PER2: variants seen among roughly 807,000 people sequenced by gnomAD.
PER2 encodes period circadian protein homolog 2.
A neutral mutation model predicts 121.0 loss-of-function variants in PER2; 66 were observed. The observed-to-expected ratio is 0.55, with a 90% CI of 0.45 to 0.67. The LOEUF is 0.67. PER2 is among the 30% of genes least tolerant of loss of function. PER2 has a pLI of 0.00. For missense variants in PER2, 1,521 were observed against 1,635.0 expected, an observed-to-expected ratio of 0.93 and a Z score of 1.20; for synonymous variants, 684 against 659.9, an observed-to-expected ratio of 1.04 and a Z score of -0.56.
At chr2:238,265,117 A>T (rs961195106) in intron 9 of PER2, among the ~76,000 whole-genome samples, 1 of 152,226 alleles carries the variant, frequency 6.6e-6, no homozygotes, top group Non-Finnish European at 1.5e-5. Flanking sequence ...GCTCTGAGGC[A>T]TGGAGAAAAT....
rs760051975 is a variant in PER2, at chr2:238,271,263, C to T, written c.772+49G>A. On this transcript the variant is annotated intron_variant, in intron 6 of 22. Transcript: ENST00000254657. Reference sequence around the variant, plus strand: ...CATCTGGGTTGGGCCCAGCTCCTGGCCCCTTTCCCGACCCCAGAGGGAACA... The same window carrying T: ...CATCTGGGTTGGGCCCAGCTCCTGGTCCCTTTCCCGACCCCAGAGGGAACA... 10 of 1,528,566 alleles carry T rather than the reference C, an allele frequency of 6.5e-6. No homozygotes were observed. The African/African-American group carries it at 9.6e-5, about 15-fold the overall frequency. 94.7% of individuals were successfully genotyped at this position (1,528,566 alleles called of 1,614,324 possible).
At chr2:238,291,490 G>A (rs1696949317), upstream of PER2, among the ~76,000 whole-genome samples, 1 of 152,252 alleles carries the variant, frequency 6.6e-6, no homozygotes, top group African/African-American at 2.4e-5. Context: ...TGGTTTGCGG[G>A]TTGGCTAGCT....
intron 9 of PER2, among the ~76,000 whole-genome samples, chr2:238,264,825 C>T (rs537606633): frequency 2.6e-5 from 4 of 152,228 alleles, no homozygotes; most frequent in East Asian, 1.9e-4. Flanking sequence ...GGTCTTGCTA[C>T]GTTTTGAACT....
At position 238,271,490 on chromosome 2, in the gene PER2, G is replaced by C. The variant is rs760449124; in HGVS notation, c.594C>G (p.Ser198=). The change falls in exon 6 of 23, where the codon TCC becomes TCG. Residue 198 remains serine, a synonymous_variant. Coordinates refer to ENST00000254657, the MANE Select transcript of PER2 (RefSeq NM_022817.3). ...KNADMFAVAV[S]LVSGKILYIS... ...TGTACAGGATCTTCCCAGACACCAGGGACACGGCCACCGCAAACATATCCT... is the reference window on the plus strand; with the variant it reads ...TGTACAGGATCTTCCCAGACACCAGCGACACGGCCACCGCAAACATATCCT... 8.7e-6 allele frequency: 14 copies of C among 1,613,494 alleles called. No homozygotes were observed. The highest frequency in any genetic ancestry group is 1.3e-5 in the African/African-American group (1 of 74,892).
At chr2:238,266,126 A>G (rs1696097941) in intron 8 of PER2, among the ~76,000 whole-genome samples, 1 of 151,868 alleles carries the variant, frequency 6.6e-6, no homozygotes, top group African/African-American at 2.4e-5. Flanking sequence ...GATGGTCTCG[A>G]TCTCCTGACC....
chr2:238,297,839 C>T, the PER2 span, among the ~76,000 whole-genome samples: 33 of 152,108 alleles, frequency 2.2e-4, no homozygotes, highest in Non-Finnish European at 3.7e-4. Context: ...GGCCAAAATC[C>T]AAGGCATGGT....
intron 1 of PER2, among the ~76,000 whole-genome samples, chr2:238,282,860 A>G (rs1235126188): frequency 6.6e-6 from 1 of 152,254 alleles, no homozygotes; most frequent in East Asian, 1.9e-4. Context: ...CCCCAGGTGT[A>G]GGTGGCATTT....
At chr2:238,285,028 G>A (rs1696741344) in intron 1 of PER2, among the ~76,000 whole-genome samples, 1 of 151,182 alleles carries the variant, frequency 6.6e-6, no homozygotes, top group South Asian at 2.1e-4. Context: ...GGGAGGGAGG[G>A]TGGGCATGCA....
At chr2:238,248,988 G>C (rs776534255) in intron 22 of PER2, 74 bp downstream of exon 22, 2 of 1,476,564 alleles carry the variant, frequency 1.4e-6, no homozygotes, top group Admixed American at 1.7e-5. Context: ...CAGAAAAGTT[G>C]CAAAGACAGT....
chr2:238,286,172 G>C (rs1055184208), intron 1 of PER2, among the ~76,000 whole-genome samples: 1 of 152,138 alleles, frequency 6.6e-6, no homozygotes, highest in African/African-American at 2.4e-5. Flanking sequence ...CTAGCTCCCC[G>C]GTGGTCAGGG....
Position 238,265,579 on chromosome 2 carries a change from G to A in PER2, c.979C>T (p.Pro327Ser), listed in dbSNP as rs746100574. Residue 327 changes from proline to serine, a missense_variant, in exon 9 of 23, where the codon CCT becomes TCT. Coordinates refer to ENST00000254657, the MANE Select transcript of PER2 (RefSeq NM_022817.3). ...VHSGYEAPRI[P>S]PEKRIFTTTH... ...GTTGTAAAAATTCTCTTTTCAGGAG[G>A]AATTCTAGGGGCTGAAAGAACAGAA... 9 of 1,591,704 alleles carry A rather than the reference G, an allele frequency of 5.7e-6. No individual in the cohort carries two copies. The highest frequency in any genetic ancestry group is 1.3e-5 in the African/African-American group (1 of 74,430).
At chr2:238,263,784 T>C (rs1035092825) in intron 9 of PER2, among the ~76,000 whole-genome samples, 20 of 152,196 alleles carry the variant, frequency 1.3e-4, no homozygotes, top group African/African-American at 4.1e-4. Flanking sequence ...CTTTAGACCA[T>C]GGTGCAGAAC....
intron 1 of PER2, among the ~76,000 whole-genome samples, chr2:238,281,401 T>A (rs997151750): frequency 6.6e-6 from 1 of 152,214 alleles, no homozygotes; most frequent in Admixed American, 6.5e-5. Context: ...GCTGGTTTTA[T>A]CAACATCCTG....
At chr2:238,299,825 G>T in the PER2 span, 1 of 152,258 alleles carries the variant, frequency 6.6e-6, no homozygotes, top group African/African-American at 2.4e-5. Flanking sequence ...CCTGCAAGGT[G>T]TTTGTTCTCA....
rs1696173559 is a variant in PER2, at chr2:238,268,265, T to G, written c.825-67A>C. The G allele has an allele frequency of 1.3e-6, 2 of 1,521,334 alleles. No individual in the cohort carries two copies. Among genetic ancestry groups the G allele is most frequent in the Non-Finnish European group, 1.8e-6 (2 of 1,106,118 alleles). The allele number at this position is 1,521,334 out of a possible 1,614,324, so 94.2% of individuals were successfully genotyped here. A position where few individuals can be genotyped will look rare whatever the true frequency, so the allele number is the denominator to read the frequency against. The stretch of plus-strand genomic sequence containing the variant: ...AGGAACAGTCCCCTGTTCTGTTCCC[T>G]CCTCACCTGGGCCCCATGCCATGCT... On this transcript the variant is annotated intron_variant, in intron 7 of 22. Transcript: ENST00000254657. This position sits in a 1 kb window ranked among gnomAD's most constrained non-coding sequence, Gnocchi z 4.0.
At chr2:238,261,675 C>T in intron 12 of PER2, 54 bp downstream of exon 12, 1 of 1,148,896 alleles carries the variant, frequency 8.7e-7, no homozygotes. Context: ...ATGTCCTCTG[C>T]AGGGGGCTCT....
the PER2 span, among the ~76,000 whole-genome samples, chr2:238,298,031 C>CTT: frequency 0.21 from 26,935 of 128,326 alleles, 3,316 homozygotes; most frequent in Non-Finnish European, 0.26. Context: ...AGCTTTTGTT[C>CTT]TTTTTTTTTT....
rs1695441981 is a variant in PER2 at position 238,246,197 on chromosome 2, C to T, written c.*178G>A. Reference sequence around the variant, plus strand: ...AACATATTTCTTTCCGAACTCTCCCCACTCTCCACAGTTTTAAGTCGCCCC... The same window carrying T: ...AACATATTTCTTTCCGAACTCTCCCTACTCTCCACAGTTTTAAGTCGCCCC... On this transcript the variant is annotated 3_prime_UTR_variant, in exon 23 of 23. Coordinates refer to ENST00000254657, the MANE Select transcript of PER2 (RefSeq NM_022817.3). 2.3e-6 allele frequency: 1 copy of T among 426,934 alleles called. No individual in the cohort carries two copies. Among genetic ancestry groups the T allele is most frequent in the African/African-American group, 2.0e-5 (1 of 49,408 alleles). The allele number at this position is 426,934 out of a possible 1,614,324, so 26.4% of individuals were successfully genotyped here.
intron 21 of PER2, 108 bp from the exon 22 acceptor site, chr2:238,249,320 CCTTTT>C: frequency 8.3e-7 from 1 of 1,209,188 alleles, no homozygotes; most frequent in South Asian, 1.3e-5. Flanking sequence ...ATGCAAATTT[CCTTTT>C]CTTTAAAAAA....
Sources: gnomAD v4.1 joint callset for allele counts (sites outside exome capture counted in the v4.1 genomes callset) on GRCh38, gnomAD v4.1.1 for gene constraint, Gnocchi (gnomAD v3.1) non-coding constraint, MANE v1.5 for transcripts, NCBI Gene and HGNC (gene_info 2026-07-23, HGNC 2026-07-21) for gene names.